The following MTCL2 variants were observed in gnomAD, a reference collection of about 807,000 sequenced individuals.
MTCL2 encodes the protein microtubule crosslinking factor 2, also known as microtubule cross-linking factor 2.
chr20:36,852,724 C>T, the MTCL2 span, among the ~76,000 whole-genome samples: 3 of 152,192 alleles, frequency 2.0e-5, no homozygotes, highest in Admixed American at 6.5e-5. Flanking sequence ...AGCATCCTTG[C>T]GAAGAAGCTA....
At chr20:36,807,994 G>A in the MTCL2 span, among the ~76,000 whole-genome samples, 3 of 142,886 alleles carry the variant, frequency 2.1e-5, no homozygotes, top group African/African-American at 7.8e-5. Context: ...TCCCGCCTCA[G>A]CCTCCCGAGT....
At chr20:36,849,875 C>T in the MTCL2 span, among the ~76,000 whole-genome samples, 2 of 152,074 alleles carry the variant, frequency 1.3e-5, no homozygotes, top group Non-Finnish European at 2.9e-5. Context: ...TGACCAAACA[C>T]CAGGACCCTC....
At chr20:36,778,076 CT>C in the MTCL2 span, 21 of 420,248 alleles carry the variant, frequency 5.0e-5, no homozygotes, top group African/African-American at 4.4e-4. Flanking sequence ...TCCACACAGC[CT>C]TTTGTAAAAC....
chr20:36,807,322 C>T, the MTCL2 span, among the ~76,000 whole-genome samples: 6 of 152,078 alleles, frequency 3.9e-5, no homozygotes, highest in African/African-American at 1.2e-4. Context: ...CCCCTGATGG[C>T]GTAAGTGGCA....
At chr20:36,795,383 C>T in the MTCL2 span, among the ~76,000 whole-genome samples, 1 of 152,204 alleles carries the variant, frequency 6.6e-6, no homozygotes, top group South Asian at 2.1e-4. Flanking sequence ...AGCCACTGCA[C>T]CTGGCCTCTC....
the MTCL2 span, chr20:36,805,007 C>A: frequency 7.6e-7 from 1 of 1,316,784 alleles, no homozygotes; most frequent in Non-Finnish European, 1.0e-6. Context: ...CTTCACGAGG[C>A]CTCAGGCAAG....
At chr20:36,810,876 C>T in the MTCL2 span, among the ~76,000 whole-genome samples, 1,969 of 152,234 alleles carry the variant, frequency 0.013, 47 homozygotes, top group African/African-American at 0.046. Flanking sequence ...CCCGCCACCA[C>T]GCCTGGCTAA....
At chr20:36,790,117 G>C in the MTCL2 span, among the ~76,000 whole-genome samples, 1 of 148,970 alleles carries the variant, frequency 6.7e-6, no homozygotes, top group Non-Finnish European at 1.5e-5. Flanking sequence ...TCAGCTTCCC[G>C]AGTAGCTGGG....
the MTCL2 span, among the ~76,000 whole-genome samples, chr20:36,841,877 GTGTGTGTGTGTGTGTGTGTGTGTGTGTGT>G: frequency 1.4e-5 from 1 of 71,712 alleles, no homozygotes; most frequent in African/African-American, 4.6e-5. Context: ...GGGGTGGGGT[GTGTGTGTGTGTGTGTGTGTGTGTGTGTGT>G]GTGTGTGTGT....
At chr20:36,804,623 A>G in the MTCL2 span, 2 of 1,409,992 alleles carry the variant, frequency 1.4e-6, no homozygotes, top group Non-Finnish European at 9.7e-7. Context: ...AGGTGAAGCA[A>G]CGGCATTCTT....
At chr20:36,825,784 G>A in the MTCL2 span, among the ~76,000 whole-genome samples, 1 of 152,152 alleles carries the variant, frequency 6.6e-6, no homozygotes, top group Non-Finnish European at 1.5e-5. Context: ...AGGAGGGAGA[G>A]GATAAACAGC....
the MTCL2 span, among the ~76,000 whole-genome samples, chr20:36,792,232 G>T: frequency 6.6e-6 from 1 of 152,216 alleles, no homozygotes; most frequent in Non-Finnish European, 1.5e-5. Context: ...ATGTGGCCAG[G>T]CGCGGTGGCT....
At chr20:36,854,492 C>A in the MTCL2 span, among the ~76,000 whole-genome samples, 1 of 152,020 alleles carries the variant, frequency 6.6e-6, no homozygotes, top group African/African-American at 2.4e-5. Flanking sequence ...GCACAAAGGC[C>A]GGATGGGAAG....
chr20:36,785,281 G>GT, the MTCL2 span: 1 of 985,396 alleles, frequency 1.0e-6, no homozygotes, highest in Non-Finnish European at 1.2e-6. Flanking sequence ...ATGCCTGCCC[G>GT]TGCTGTTAGA....
the MTCL2 span, chr20:36,828,848 A>AT: frequency 1.8e-6 from 1 of 566,834 alleles, no homozygotes; most frequent in Non-Finnish European, 3.0e-6. Context: ...TTTGTTCACC[A>AT]TTGTAACCTT....
the MTCL2 span, among the ~76,000 whole-genome samples, chr20:36,842,992 G>C: frequency 6.6e-6 from 1 of 152,170 alleles, no homozygotes; most frequent in Non-Finnish European, 1.5e-5. Context: ...CGGAAAGGAA[G>C]GGACTGGGAA....
chr20:36,826,454 T>TCTTGGTTGA, the MTCL2 span, among the ~76,000 whole-genome samples: 65 of 147,312 alleles, frequency 4.4e-4, 1 homozygote, highest in East Asian at 0.011. Context: ...CATAGCTCAC[T>TCTTGGTTGA]GCAGCCTCAA....
At chr20:36,787,568 T>C in the MTCL2 span, among the ~76,000 whole-genome samples, 6 of 152,046 alleles carry the variant, frequency 3.9e-5, no homozygotes, top group African/African-American at 1.4e-4. Flanking sequence ...AATTTTTTAC[T>C]ATTACCAATA....
At chr20:36,859,281 T>C in the MTCL2 span, among the ~76,000 whole-genome samples, 6,380 of 152,202 alleles carry the variant, frequency 0.042, 149 homozygotes, top group South Asian at 0.078. Context: ...TAATGGTTAG[T>C]GGTGATGAAA....
Sources: gnomAD v4.1 joint callset for allele counts (sites outside exome capture counted in the v4.1 genomes callset) on GRCh38, gnomAD v4.1.1 for gene constraint, MANE v1.5 for transcripts, NCBI Gene and HGNC (gene_info 2026-07-23, HGNC 2026-07-21) for gene names.